MME: variants seen among roughly 807,000 people sequenced by gnomAD.
MME encodes the protein membrane metalloendopeptidase.
MME carries 98 observed loss-of-function variants against 113.2 expected under a neutral mutation model. That is an observed-to-expected ratio of 0.87 (90% confidence interval 0.74 to 1.02). The LOEUF (loss-of-function observed/expected upper bound fraction) is 1.02, where lower values mean the gene tolerates loss of function less well. MME is among the 50% of genes least tolerant of loss of function. MME has a pLI of 0.00. For missense variants in MME, 836 were observed against 896.0 expected (o/e 0.93, Z 0.86); for synonymous variants, 292 against 300.6 (o/e 0.97, Z 0.30).
At chr3:155,107,143 C>T (rs1717757130) in intron 3 of MME, among the ~76,000 whole-genome samples, 1 of 152,108 alleles carries the variant, frequency 6.6e-6, no homozygotes, top group African/African-American at 2.4e-5. Context: ...ATCACGAGGT[C>T]AGGAGTTTGA....
intron 2 of MME, among the ~76,000 whole-genome samples, chr3:155,084,664 A>G (rs1715499859): frequency 1.3e-5 from 2 of 152,134 alleles, no homozygotes. Context: ...GTGTCATTGA[A>G]ATTCTAAACG....
At chr3:155,090,016 A>T in intron 3 of MME, 1 of 284,900 alleles carries the variant, frequency 3.5e-6, no homozygotes, top group Non-Finnish European at 7.3e-6. Flanking sequence ...ATATGTTAGA[A>T]GTGTGGTCCT....
At chr3:155,029,584 A>G (rs1712899381) in intron 1 of MME, among the ~76,000 whole-genome samples, 1 of 152,064 alleles carries the variant, frequency 6.6e-6, no homozygotes, top group Non-Finnish European at 1.5e-5. Flanking sequence ...TATCAAAAGT[A>G]TAACAAAATG....
chr3:155,059,619 C>A (rs1050539550), intron 1 of MME, among the ~76,000 whole-genome samples: 1 of 151,966 alleles, frequency 6.6e-6, no homozygotes, highest in Admixed American at 6.6e-5. Flanking sequence ...TAGAAACTAT[C>A]GGCCTATTTC....
At chr3:155,132,822 AG>A (rs1031626982) in intron 8 of MME, among the ~76,000 whole-genome samples, 1 of 151,650 alleles carries the variant, frequency 6.6e-6, no homozygotes, top group African/African-American at 2.4e-5. Context: ...TGGGACTCAG[AG>A]GTGGTGGATC....
intron 8 of MME, among the ~76,000 whole-genome samples, chr3:155,136,661 G>A (rs757364863): frequency 4.8e-4 from 73 of 152,062 alleles, no homozygotes; most frequent in Admixed American, 1.1e-3. Flanking sequence ...TTGCTTGATC[G>A]AATATTTCTA....
At chr3:155,074,326 A>G (rs536440933) in intron 1 of MME, among the ~76,000 whole-genome samples, 3 of 152,174 alleles carry the variant, frequency 2.0e-5, no homozygotes, top group African/African-American at 2.4e-5. Context: ...CTCAATTGAC[A>G]TATATTGATA....
At chr3:155,043,783 C>T (rs1359269848) in intron 1 of MME, among the ~76,000 whole-genome samples, 2 of 152,024 alleles carry the variant, frequency 1.3e-5, no homozygotes, top group East Asian at 1.9e-4. Flanking sequence ...CTTGATTAGA[C>T]GTTCTATTAT....
chr3:155,028,547 A>G (rs1328207791), intron 1 of MME, among the ~76,000 whole-genome samples: 3 of 152,234 alleles, frequency 2.0e-5, no homozygotes, highest in African/African-American at 7.2e-5. Flanking sequence ...TTATATCTTC[A>G]GAAGGCTAGC....
intron 3 of MME, among the ~76,000 whole-genome samples, chr3:155,099,843 G>C (rs1376701576): frequency 1.3e-5 from 2 of 152,268 alleles, no homozygotes; most frequent in East Asian, 3.9e-4. Context: ...ATTGTGAGTA[G>C]TGCTGCAATA....
intron 1 of MME, among the ~76,000 whole-genome samples, chr3:155,026,763 A>G: frequency 6.6e-6 from 1 of 152,124 alleles, no homozygotes; most frequent in South Asian, 2.1e-4. Flanking sequence ...AGAAAGAAAA[A>G]GAAGCCTCTT....
rs145148305 is a variant in MME, at chr3:155,153,687, C to T, written c.1601+5034C>T. ...GTGTTTGTGAATCATAACTGTTGAGCCCTGGAGTTAACTTTTTATAAAGTA... is the reference window on the plus strand; with the variant it reads ...GTGTTTGTGAATCATAACTGTTGAGTCCTGGAGTTAACTTTTTATAAAGTA... On this transcript the variant is annotated intron_variant, in intron 16 of 22. Transcript: ENST00000360490. Among the ~76,000 whole-genome samples the T allele has an allele frequency of 2.5e-3, 383 of 152,168 alleles. 5 individuals carry two copies. The highest frequency in any genetic ancestry group is 3.4e-3 in the Middle Eastern group (1 of 294).
At chr3:155,036,743 T>C (rs1713141139) in intron 1 of MME, among the ~76,000 whole-genome samples, 1 of 152,172 alleles carries the variant, frequency 6.6e-6, no homozygotes, top group Non-Finnish European at 1.5e-5. Context: ...GTAGAACTTT[T>C]AATTTTGTTA....
At chr3:155,128,681 T>C (rs1274391413) in intron 8 of MME, among the ~76,000 whole-genome samples, 1 of 144,768 alleles carries the variant, frequency 6.9e-6, no homozygotes, top group Non-Finnish European at 1.5e-5. Context: ...ATTTAATGTC[T>C]TTTTTTTTCT....
upstream of MME, among the ~76,000 whole-genome samples, chr3:155,077,830 C>T (rs1714808146): frequency 6.6e-6 from 1 of 152,062 alleles, no homozygotes; most frequent in African/African-American, 2.4e-5. Context: ...AGCTGAAAGT[C>T]AGAGTCTAAA....
intron 16 of MME, among the ~76,000 whole-genome samples, chr3:155,151,354 G>T (rs956014260): frequency 6.6e-6 from 1 of 152,100 alleles, no homozygotes; most frequent in Non-Finnish European, 1.5e-5. Context: ...AAATGATGAT[G>T]CATTAAATTT....
At position 155,118,827 on chromosome 3, in the gene MME, AT is replaced by A. The variant is rs758080337; in HGVS notation, c.720+17del. On this transcript the variant is annotated intron_variant, in intron 8 of 22. Transcript: ENST00000360490. ...CTATAAAGAGGTAAAAAGAAAAAAA[AT>A]AATCAAAACCAAACTACAAAATGAT... The A allele has an allele frequency of 2.0e-6, 3 of 1,511,848 alleles. No individual in the cohort carries two copies. In the South Asian group the frequency reaches 3.5e-5, roughly 17 times the overall value. The allele number at this position is 1,511,848 out of a possible 1,614,324, so 93.7% of individuals were successfully genotyped here. A position where few individuals can be genotyped will look rare whatever the true frequency, so the allele number is the denominator to read the frequency against.
chr3:155,046,131 T>A (rs1388539244), intron 1 of MME, among the ~76,000 whole-genome samples: 1 of 152,190 alleles, frequency 6.6e-6, no homozygotes, highest in African/African-American at 2.4e-5. Context: ...GACTTTTTAA[T>A]ATTGTCCTAT....
Position 155,142,770 on chromosome 3 carries a change from C to T in MME, c.1188+440C>T, listed in dbSNP as rs563161547. Among the ~76,000 whole-genome samples, 23 of 152,194 alleles carry T rather than the reference C, an allele frequency of 1.5e-4. No homozygotes were observed. In the East Asian group the frequency reaches 1.9e-3, roughly 13 times the overall value. The stretch of plus-strand genomic sequence containing the variant: ...TACCTGGAGTTAAATAAGACCTTTT[C>T]TTAGCCTATACCTATATTATTTAAA... On this transcript the variant is annotated intron_variant, in intron 12 of 22. Coordinates refer to ENST00000360490, the MANE Select transcript of MME (RefSeq NM_007289.4).
Sources: gnomAD v4.1 joint callset for allele counts (sites outside exome capture counted in the v4.1 genomes callset) on GRCh38, gnomAD v4.1.1 for gene constraint, MANE v1.5 for transcripts, NCBI Gene and HGNC (gene_info 2026-07-23, HGNC 2026-07-21) for gene names.